CPEB3: variants seen among roughly 807,000 people sequenced by gnomAD.
CPEB3 encodes cytoplasmic polyadenylation element-binding protein 3.
CPEB3 carries 20 observed loss-of-function variants against 67.2 expected under a neutral mutation model. That is an observed-to-expected ratio of 0.30 (90% CI 0.21 to 0.43). CPEB3 has a LOEUF of 0.43. Ranked by LOEUF, CPEB3 falls within the 20% of genes least tolerant of loss-of-function variation. CPEB3 has a pLI of 1.00. For synonymous variants in CPEB3, 376 were observed against 393.1 expected (o/e 0.96, Z 0.51); for missense variants, 746 against 968.6 (o/e 0.77, Z 3.05).
intron 2 of CPEB3, among the ~76,000 whole-genome samples, chr10:92,198,323 TC>T (rs1329345838): frequency 2.0e-5 from 3 of 152,128 alleles, no homozygotes; most frequent in African/African-American, 7.2e-5. Flanking sequence ...TCTGTCACAA[TC>T]CAGAGACAGG....
intron 4 of CPEB3, among the ~76,000 whole-genome samples, chr10:92,167,472 G>GT (rs1215464877): frequency 6.6e-6 from 1 of 152,184 alleles, no homozygotes; most frequent in Non-Finnish European, 1.5e-5. Flanking sequence ...TTTCAATGTT[G>GT]TGTCTCAGAA....
intron 1 of CPEB3, among the ~76,000 whole-genome samples, chr10:92,273,327 A>T (rs983460049): frequency 1.3e-4 from 20 of 152,186 alleles, no homozygotes; most frequent in Non-Finnish European, 2.1e-4. Context: ...TATTGTTAAC[A>T]TTTTTGTATC....
rs1006203591 is a variant in CPEB3, at chr10:92,245,571, A to G, written c.-11-5210T>C. 7.9e-5 allele frequency among the ~76,000 whole-genome samples: 12 copies of G among 152,188 alleles called. No homozygotes were observed. In the South Asian group the frequency reaches 8.3e-4, roughly 10 times the overall value. ...TCCTACTGTAATGTGACCTTAGCTT[A>G]TATTTCCCATTTTTTCTCTTCCTCT... On this transcript the variant is annotated intron_variant, in intron 1 of 9. Transcript: ENST00000265997.
chr10:92,205,041 T>C (rs555781648), intron 2 of CPEB3, among the ~76,000 whole-genome samples: 2 of 151,984 alleles, frequency 1.3e-5, no homozygotes, highest in Non-Finnish European at 1.5e-5. Flanking sequence ...GGTTTCACCA[T>C]CTTGGCCAAG....
intron 9 of CPEB3, among the ~76,000 whole-genome samples, chr10:92,055,837 C>T (rs1173034412): frequency 6.6e-6 from 1 of 151,972 alleles, no homozygotes; most frequent in Non-Finnish European, 1.5e-5. Context: ...CCCAGGAGTT[C>T]GAGACTAGCC....
intron 2 of CPEB3, among the ~76,000 whole-genome samples, chr10:92,214,348 C>T (rs1850239088): frequency 6.6e-6 from 1 of 152,168 alleles, no homozygotes; most frequent in South Asian, 2.1e-4. Context: ...GAGCCCTCAC[C>T]AGACATCAAA....
chr10:92,229,432 A>G (rs1851156075), intron 2 of CPEB3, among the ~76,000 whole-genome samples: 1 of 152,200 alleles, frequency 6.6e-6, no homozygotes, highest in South Asian at 2.1e-4. Context: ...TCAGAAACAA[A>G]CCAAATCACC....
At chr10:92,204,993 C>T (rs771811621) in intron 2 of CPEB3, among the ~76,000 whole-genome samples, 14 of 151,796 alleles carry the variant, frequency 9.2e-5, no homozygotes, top group Non-Finnish European at 1.5e-4. Context: ...GTACCTGCCA[C>T]GATGTCCAGC....
intron 1 of CPEB3, among the ~76,000 whole-genome samples, chr10:92,263,491 T>C (rs549168366): frequency 3.9e-5 from 6 of 152,376 alleles, no homozygotes; most frequent in African/African-American, 7.2e-5. Context: ...CTAGAATCTA[T>C]ACTTAAGTGT....
chr10:92,100,449 T>A (rs1204137572), intron 7 of CPEB3, among the ~76,000 whole-genome samples: 1 of 151,950 alleles, frequency 6.6e-6, no homozygotes, highest in Non-Finnish European at 1.5e-5. Flanking sequence ...AATTTTTTTG[T>A]ATTTTTAGTA....
At chr10:92,130,008 G>A (rs1174417222) in intron 6 of CPEB3, among the ~76,000 whole-genome samples, 1 of 152,040 alleles carries the variant, frequency 6.6e-6, no homozygotes, top group Non-Finnish European at 1.5e-5. Flanking sequence ...CTGCACTCTA[G>A]CCTGGGTGAC....
rs184824320 is a variant in CPEB3 at position 92,153,638 on chromosome 10, G to A, written c.1223-8553C>T. 3.1e-3 allele frequency among the ~76,000 whole-genome samples: 465 copies of A among 152,124 alleles called. 2 individuals carry two copies. The highest frequency in any genetic ancestry group is 0.01 in the African/African-American group (433 of 41,498). ...TCTACTAAAAATACAAAAACTAGCCGGGCATGGTGGTGCGTGCCTGTAATC... is the reference window on the plus strand; with the variant it reads ...TCTACTAAAAATACAAAAACTAGCCAGGCATGGTGGTGCGTGCCTGTAATC... On this transcript the variant is annotated intron_variant, in intron 4 of 9. Transcript: ENST00000265997.
chr10:92,291,217 A>G (rs1362962583), upstream of CPEB3: 5 of 528,344 alleles, frequency 9.5e-6, no homozygotes, highest in East Asian at 3.5e-5. Context: ...CCCGCGGTCC[A>G]TGGACCGGAA....
At chr10:92,243,228 T>C (rs1428923768) in intron 1 of CPEB3, 1 of 152,244 alleles carries the variant, frequency 6.6e-6, no homozygotes, top group Non-Finnish European at 1.5e-5. Context: ...ATTTATTTTC[T>C]TCTTTCAGGT....
intron 2 of CPEB3, among the ~76,000 whole-genome samples, chr10:92,224,017 G>A (rs953211704): frequency 6.6e-6 from 1 of 152,002 alleles, no homozygotes; most frequent in African/African-American, 2.4e-5. Flanking sequence ...CATCCACCTT[G>A]GCCTCCCAAA....
chr10:92,189,474 G>A (rs1848854807), intron 3 of CPEB3, among the ~76,000 whole-genome samples: 2 of 152,100 alleles, frequency 1.3e-5, no homozygotes, highest in African/African-American at 2.4e-5. Context: ...ATGAAGTAGG[G>A]AATTTATTTT....
At position 92,144,905 on chromosome 10, in the gene CPEB3, A is replaced by G. The variant is rs751892622; in HGVS notation, c.1363+40T>C. 2.5e-6 allele frequency: 4 copies of G among 1,599,260 alleles called. No homozygotes were observed. In the East Asian group the frequency reaches 8.9e-5, roughly 36 times the overall value. ...GGCAGGGTCAGAACACACAAATAAC[A>G]AACTCAGCCTTTGCAAAATCATTAA... On this transcript the variant is annotated intron_variant, in intron 5 of 9. Transcript: ENST00000265997.
At chr10:92,113,997 C>T (rs982273587) in intron 6 of CPEB3, among the ~76,000 whole-genome samples, 3 of 152,176 alleles carry the variant, frequency 2.0e-5, no homozygotes, top group Non-Finnish European at 2.9e-5. Context: ...TATAAATAAT[C>T]CTGTGTCAAA....
chr10:92,084,172 A>AG (rs1387775025), intron 8 of CPEB3, among the ~76,000 whole-genome samples: 11 of 151,726 alleles, frequency 7.2e-5, no homozygotes, highest in African/African-American at 2.7e-4. Flanking sequence ...CTCAAAAAAA[A>AG]AAAAAAAAAA....
Sources: gnomAD v4.1 joint callset for allele counts (sites outside exome capture counted in the v4.1 genomes callset) on GRCh38, gnomAD v4.1.1 for gene constraint, MANE v1.5 for transcripts, NCBI Gene and HGNC (gene_info 2026-07-23, HGNC 2026-07-21) for gene names.